The following SNX29 variants were observed in gnomAD, a reference collection of about 807,000 sequenced individuals.
The protein encoded by SNX29 is sorting nexin 29, also known as sorting nexin-29.
In SNX29, 78 loss-of-function variants were observed where a neutral mutation model predicts 102.1. The observed-to-expected ratio is 0.76, with a 90% CI of 0.64 to 0.92. The LOEUF is 0.92. SNX29 is among the 40% of genes least tolerant of loss of function. The pLI is 0.00. For missense variants in SNX29, 1,280 were observed against 1,061.7 expected (o/e 1.21, Z -2.86); for synonymous variants, 580 against 414.5 (o/e 1.40, Z -4.85).
intron 15 of SNX29, among the ~76,000 whole-genome samples, chr16:12,282,789 G>A (rs980664112): frequency 6.6e-6 from 1 of 152,172 alleles, no homozygotes; most frequent in Non-Finnish European, 1.5e-5. Flanking sequence ...CTGAGTAGCT[G>A]GAATTACAGG....
At chr16:12,341,546 G>A (rs1013292883) in intron 15 of SNX29, among the ~76,000 whole-genome samples, 4 of 152,320 alleles carry the variant, frequency 2.6e-5, no homozygotes, top group Non-Finnish European at 5.9e-5. Flanking sequence ...TTTCCTGTTC[G>A]TATGTGTCCA....
At chr16:12,138,065 A>G (rs556880998) in intron 13 of SNX29, among the ~76,000 whole-genome samples, 2 of 152,276 alleles carry the variant, frequency 1.3e-5, no homozygotes, top group East Asian at 1.9e-4. Context: ...GCCCATGGGA[A>G]GGGGATGTGG....
rs2079117074 is a variant in SNX29 at position 12,568,693 on chromosome 16, CCGCTGG to C, written c.*66_*71del. 1 of 1,575,536 alleles carries C rather than the reference CCGCTGG, an allele frequency of 6.3e-7. No homozygotes were observed. Among genetic ancestry groups the C allele is most frequent in the Non-Finnish European group, 8.6e-7 (1 of 1,166,022 alleles). ...CCAGCTGCGTCCACCCCAGCCACTGCCGCTGGCCCCTCACCTCAGCGTGACAACCAC... is the reference window on the plus strand; with the variant it reads ...CCAGCTGCGTCCACCCCAGCCACTGCCCCCTCACCTCAGCGTGACAACCAC... On this transcript the variant is annotated 3_prime_UTR_variant, in exon 21 of 21. Coordinates refer to ENST00000566228, the MANE Select transcript of SNX29 (RefSeq NM_032167.5).
At chr16:12,041,757 C>G (rs757940101) in intron 4 of SNX29, among the ~76,000 whole-genome samples, 4 of 152,208 alleles carry the variant, frequency 2.6e-5, no homozygotes, top group Non-Finnish European at 5.9e-5. Context: ...AGGGATTATG[C>G]AAGATAACCT....
intron 14 of SNX29, among the ~76,000 whole-genome samples, chr16:12,200,973 G>T (rs576369298): frequency 6.6e-6 from 1 of 152,318 alleles, no homozygotes; most frequent in South Asian, 2.1e-4. Flanking sequence ...AATGGTGGTG[G>T]TTTTTTTGTG....
chr16:12,408,130 G>A lies in SNX29; in HGVS notation c.2037+4601G>A, dbSNP rs535504877. Among the ~76,000 whole-genome samples, 79 of 151,346 alleles carry A rather than the reference G, an allele frequency of 5.2e-4. No homozygotes were observed. The Middle Eastern group carries it at 0.017, about 33-fold the overall frequency. Reference sequence around the variant, plus strand: ...CTGTTATAATGCCACTGCCACTCCGGCCTGGGTGGCAGAGCAGGACCCTTC... The same window carrying A: ...CTGTTATAATGCCACTGCCACTCCGACCTGGGTGGCAGAGCAGGACCCTTC... On this transcript the variant is annotated intron_variant, in intron 18 of 20. Transcript: ENST00000566228.
At chr16:12,214,181 G>C (rs2077262179) in intron 14 of SNX29, among the ~76,000 whole-genome samples, 1 of 152,180 alleles carries the variant, frequency 6.6e-6, no homozygotes, top group Admixed American at 6.5e-5. Context: ...GAATTGCCTG[G>C]AAATATCAAG....
At chr16:12,224,414 G>A (rs779965631) in intron 14 of SNX29, among the ~76,000 whole-genome samples, 1 of 152,190 alleles carries the variant, frequency 6.6e-6, no homozygotes, top group Non-Finnish European at 1.5e-5. Context: ...CTCCCCCTGG[G>A]GCTCCCAGCC....
intron 11 of SNX29, among the ~76,000 whole-genome samples, chr16:12,109,299 G>A (rs2053407740): frequency 1.3e-5 from 2 of 152,006 alleles, no homozygotes; most frequent in South Asian, 4.2e-4. Flanking sequence ...GGGACTGAGT[G>A]TGTGAGCTCA....
rs551772633 is a variant in SNX29, at chr16:11,990,733, G to C, written c.8-8564G>C. Among the ~76,000 whole-genome samples, 5 of 152,272 alleles carry C rather than the reference G, an allele frequency of 3.3e-5. No homozygotes were observed. The South Asian group carries it at 1.0e-3, about 32-fold the overall frequency. On this transcript the variant is annotated intron_variant, in intron 1 of 20. Transcript: ENST00000566228. ...TGCAAGACTCTGTATGTGGGGCCTT[G>C]GTTAGAGGGCAAGGGAAGATGGGAG...
At chr16:12,502,804 T>TAA (rs2089188473) in intron 19 of SNX29, among the ~76,000 whole-genome samples, 1 of 152,178 alleles carries the variant, frequency 6.6e-6, no homozygotes, top group Non-Finnish European at 1.5e-5. Context: ...CAATCACAGG[T>TAA]ATTTTCGTAT....
intron 16 of SNX29, among the ~76,000 whole-genome samples, chr16:12,389,629 T>C (rs903518162): frequency 1.4e-4 from 22 of 152,266 alleles, no homozygotes; most frequent in African/African-American, 5.3e-4. Flanking sequence ...TTCCCTGTTT[T>C]CTAAACTTAA....
At position 12,322,824 on chromosome 16, in the gene SNX29, T is replaced by TGTGGTCACTAGAG. The variant is rs1567437133; in HGVS notation, c.1783-33338_1783-33337insTGGTCACTAGAGG. ...AGGATATGGTCACTGGAATCACTGATGACCACTGTCAGGATGCGGTCACTA... is the reference window on the plus strand; with the variant it reads ...AGGATATGGTCACTGGAATCACTGATGTGGTCACTAGAGGACCACTGTCAGGATGCGGTCACTA... On this transcript the variant is annotated intron_variant, in intron 15 of 20. Coordinates refer to ENST00000566228, the MANE Select transcript of SNX29 (RefSeq NM_032167.5). 1.5e-5 allele frequency among the ~76,000 whole-genome samples: 2 copies of TGTGGTCACTAGAG among 129,580 alleles called. 1 individual carries two copies. The highest frequency in any genetic ancestry group is 3.4e-5 in the Non-Finnish European group (2 of 58,496). 85.0% of individuals were successfully genotyped at this position (129,580 alleles called of 152,430 possible).
chr16:12,390,965 A>G (rs1386732011), intron 16 of SNX29, among the ~76,000 whole-genome samples: 1 of 152,094 alleles, frequency 6.6e-6, no homozygotes, highest in Admixed American at 6.5e-5. Flanking sequence ...TATTGTTTCG[A>G]GATGGGGTCT....
At chr16:12,356,978 C>T (rs1253677024) in intron 16 of SNX29, among the ~76,000 whole-genome samples, 1 of 152,216 alleles carries the variant, frequency 6.6e-6, no homozygotes, top group Non-Finnish European at 1.5e-5. Flanking sequence ...TTGCTTGGTT[C>T]TGTAGTTCTC....
At chr16:12,233,143 T>TCCTCCTCCTTCCTC (rs1031819002) in intron 14 of SNX29, among the ~76,000 whole-genome samples, 1 of 152,098 alleles carries the variant, frequency 6.6e-6, no homozygotes, top group African/African-American at 2.4e-5. Context: ...CTATTCTTCC[T>TCCTCCTCCTTCCTC]CCTCCTCCTT....
At chr16:12,358,225 C>T (rs1023977440) in intron 16 of SNX29, among the ~76,000 whole-genome samples, 8 of 152,152 alleles carry the variant, frequency 5.3e-5, no homozygotes, top group African/African-American at 1.4e-4. Context: ...TTCCTGCTGA[C>T]GCTTTTACAT....
chr16:12,431,529 GA>G (rs1358177387), intron 18 of SNX29, among the ~76,000 whole-genome samples: 2 of 149,090 alleles, frequency 1.3e-5, no homozygotes, highest in East Asian at 4.0e-4. Context: ...GTGGTCTAAT[GA>G]AAAAAGTCAG....
intron 18 of SNX29, among the ~76,000 whole-genome samples, chr16:12,476,411 TAC>T (rs1281676113): frequency 0.013 from 237 of 18,612 alleles, 2 homozygotes; most frequent in Middle Eastern, 0.029. Flanking sequence ...TATATATATA[TAC>T]ATATATATAT....
Sources: gnomAD v4.1 joint callset for allele counts (sites outside exome capture counted in the v4.1 genomes callset) on GRCh38, gnomAD v4.1.1 for gene constraint, MANE v1.5 for transcripts, NCBI Gene and HGNC (gene_info 2026-07-23, HGNC 2026-07-21) for gene names.